Variants in FGF14 observed in about 807,000 individuals in gnomAD.
FGF14 encodes fibroblast growth factor 14.
In FGF14, 5 loss-of-function variants were observed where a neutral mutation model predicts 25.5. The observed-to-expected ratio is 0.20, with a 90% CI of 0.10 to 0.41. The LOEUF is 0.41. FGF14 is among the 10% of genes least tolerant of loss of function. FGF14 has a pLI of 1.00. For synonymous variants in FGF14, 138 were observed against 118.3 expected (o/e 1.17, Z -1.08); for missense variants, 222 against 320.1 (o/e 0.69, Z 2.34).
At chr13:102,026,281 GAT>G (rs1425804824) in intron 1 of FGF14, among the ~76,000 whole-genome samples, 4 of 151,858 alleles carry the variant, frequency 2.6e-5, no homozygotes, top group African/African-American at 9.7e-5. Context: ...TGCATTCTGG[GAT>G]AGATATTTCC....
chr13:101,808,001 G>T (rs1794490443), intron 3 of FGF14, among the ~76,000 whole-genome samples: 2 of 152,130 alleles, frequency 1.3e-5, no homozygotes, highest in South Asian at 2.1e-4. Flanking sequence ...GTGGTTGAAA[G>T]GTTGGAGCAG....
At chr13:102,295,675 T>G in intron 1 of FGF14, among the ~76,000 whole-genome samples, 1 of 152,114 alleles carries the variant, frequency 6.6e-6, no homozygotes, top group East Asian at 1.9e-4. Context: ...AGTCTTAGGA[T>G]TTTCTCTCCA....
intron 1 of FGF14, among the ~76,000 whole-genome samples, chr13:102,382,068 T>C (rs1002147338): frequency 1.5e-4 from 23 of 152,128 alleles, no homozygotes; most frequent in Admixed American, 8.5e-4. Flanking sequence ...TTTATGATCT[T>C]GGGTTAGGAG....
intron 1 of FGF14, among the ~76,000 whole-genome samples, chr13:102,047,920 A>T (rs2042061016): frequency 1.3e-5 from 2 of 152,140 alleles, no homozygotes; most frequent in African/African-American, 4.8e-5. Flanking sequence ...AGCAAAAAAT[A>T]CATTTTTATG....
At chr13:102,201,102 C>CAAAAAAA (rs60149871) in intron 1 of FGF14, among the ~76,000 whole-genome samples, 6 of 62,720 alleles carry the variant, frequency 9.6e-5, no homozygotes, top group African/African-American at 1.3e-4. Flanking sequence ...CTCCGTCTCT[C>CAAAAAAA]AAAAAAAAAA....
At position 101,916,443 on chromosome 13, in the gene FGF14, C is replaced by T; in HGVS notation, c.193+10G>A. On this transcript the variant is annotated intron_variant, in intron 1 of 4. Transcript: ENST00000376143. ...CCGGGGCGCATCTCCCGACCATGAC[C>T]CCCACAGACCTTGGCGCCGCAACCT... 1 of 1,613,876 alleles carries T rather than the reference C, an allele frequency of 6.2e-7. No homozygotes were observed. Among genetic ancestry groups the T allele is most frequent in the Non-Finnish European group, 8.5e-7 (1 of 1,179,888 alleles).
At chr13:102,204,579 C>T (rs2049819425) in intron 1 of FGF14, among the ~76,000 whole-genome samples, 2 of 151,906 alleles carry the variant, frequency 1.3e-5, no homozygotes, top group South Asian at 4.2e-4. Flanking sequence ...CAGAGTCTTC[C>T]TCTGTCACCC....
rs897644931 is a variant in FGF14 at position 101,717,647 on chromosome 13, G to A, written c.*5184C>T. The stretch of plus-strand genomic sequence containing the variant: ...AAGTTAAACTTTACGGACCACGTAC[G>A]TCCCTGTCTCATATTCTTCTTTGTT... On this transcript the variant is annotated 3_prime_UTR_variant, in exon 5 of 5. Transcript: ENST00000376143. The A allele has an allele frequency of 2.0e-5, 3 of 150,706 alleles. No individual in the cohort carries two copies. The highest frequency in any genetic ancestry group is 6.6e-5 in the Admixed American group (1 of 15,096). The allele number at this position is 150,706 out of a possible 1,614,324, so 9.3% of individuals were successfully genotyped here. A position where few individuals can be genotyped will look rare whatever the true frequency, so the allele number is the denominator to read the frequency against.
At chr13:101,853,685 T>C (rs1216405517) in intron 3 of FGF14, among the ~76,000 whole-genome samples, 1 of 151,902 alleles carries the variant, frequency 6.6e-6, no homozygotes, top group Non-Finnish European at 1.5e-5. Context: ...GAAGCTCCTA[T>C]CCTCAAGTGA....
At chr13:101,832,091 C>T (rs888041445) in intron 3 of FGF14, among the ~76,000 whole-genome samples, 1 of 151,988 alleles carries the variant, frequency 6.6e-6, no homozygotes, top group African/African-American at 2.4e-5. Context: ...GATTAAGTTC[C>T]ATCACATATG....
chr13:101,892,771 G>T (rs2029945025), intron 1 of FGF14, among the ~76,000 whole-genome samples: 1 of 152,084 alleles, frequency 6.6e-6, no homozygotes, highest in South Asian at 2.1e-4. Flanking sequence ...CTGAAAGGTG[G>T]ACATAACCAT....
intron 1 of FGF14, among the ~76,000 whole-genome samples, chr13:101,926,865 C>T (rs908054613): frequency 1.3e-5 from 2 of 152,026 alleles, no homozygotes; most frequent in African/African-American, 2.4e-5. Context: ...TTGCCTTAAC[C>T]GTATAGGTTG....
At chr13:102,027,036 G>A (rs1385506053) in intron 1 of FGF14, among the ~76,000 whole-genome samples, 2 of 151,926 alleles carry the variant, frequency 1.3e-5, no homozygotes, top group Non-Finnish European at 2.9e-5. Context: ...ACTAGAACTT[G>A]AAGAGTAAAT....
chr13:102,018,945 T>G (rs1400463466), intron 1 of FGF14, among the ~76,000 whole-genome samples: 1 of 152,126 alleles, frequency 6.6e-6, no homozygotes, highest in African/African-American at 2.4e-5. Context: ...ATACCCACAA[T>G]GAGTTGCATG....
chr13:101,734,606 G>A (rs576864631), intron 3 of FGF14, among the ~76,000 whole-genome samples: 1 of 152,222 alleles, frequency 6.6e-6, no homozygotes, highest in East Asian at 1.9e-4. Context: ...ACATTTGTCA[G>A]TTTTCAACTG....
At chr13:101,783,990 G>A (rs191010978) in intron 3 of FGF14, among the ~76,000 whole-genome samples, 3 of 152,254 alleles carry the variant, frequency 2.0e-5, no homozygotes, top group Admixed American at 2.0e-4. Context: ...TCAAAGATCA[G>A]ATAGTTGTAA....
At chr13:101,965,780 G>GA (rs919190723) in intron 1 of FGF14, among the ~76,000 whole-genome samples, 1 of 151,626 alleles carries the variant, frequency 6.6e-6, no homozygotes, top group Admixed American at 6.6e-5. Context: ...AAAGAATACT[G>GA]AAAATATAAG....
chr13:102,166,201 AAAAG>A (rs986547188), intron 1 of FGF14, among the ~76,000 whole-genome samples: 54 of 152,046 alleles, frequency 3.6e-4, no homozygotes, highest in Non-Finnish European at 5.4e-4. Flanking sequence ...AAGAAAAGAA[AAAAG>A]AAAGAATACA....
intron 1 of FGF14, among the ~76,000 whole-genome samples, chr13:102,159,168 G>T (rs938640504): frequency 1.5e-5 from 2 of 137,292 alleles, no homozygotes; most frequent in African/African-American, 5.5e-5. Flanking sequence ...GAAAAGAAAA[G>T]AAAATTCAAG....
Sources: allele counts gnomAD v4.1 joint callset (sites outside exome capture counted in the v4.1 genomes callset), GRCh38; gene constraint gnomAD v4.1.1; transcripts MANE v1.5; gene names NCBI Gene and HGNC (gene_info 2026-07-23, HGNC 2026-07-21).